MCF2: variants seen among roughly 807,000 people sequenced by gnomAD.
MCF2 encodes MCF.2 cell line derived transforming sequence.
In MCF2, 44 loss-of-function variants were observed where a neutral mutation model predicts 82.5. The observed-to-expected ratio is 0.53, with a 90% CI of 0.42 to 0.69. MCF2 has a LOEUF of 0.69. Among genes scored for constraint, MCF2 ranks in the 30% least tolerant of loss-of-function variants. MCF2 has a pLI of 0.00. For synonymous variants in MCF2, 217 were observed against 224.9 expected, an observed-to-expected ratio of 0.96 and a Z score of 0.32; for missense variants, 623 against 663.1, an observed-to-expected ratio of 0.94 and a Z score of 0.66.
chrX:139,645,002 C>T (rs1228908726), upstream of MCF2, among the ~76,000 whole-genome samples: 12 of 110,720 alleles, frequency 1.1e-4, no homozygotes, highest in East Asian at 3.4e-3. Context: ...TTGTACCTCT[C>T]GTTATTTTAA....
intron 1 of MCF2, among the ~76,000 whole-genome samples, chrX:139,640,101 G>A (rs933169539): frequency 9.0e-6 from 1 of 111,594 alleles, no homozygotes; most frequent in Admixed American, 9.5e-5. Flanking sequence ...ACACCTCATA[G>A]ACTGAATGCA....
intron 19 of MCF2, among the ~76,000 whole-genome samples, chrX:139,595,430 A>C (rs912229485): frequency 1.8e-5 from 2 of 108,788 alleles, no homozygotes; most frequent in Non-Finnish European, 3.8e-5. Context: ...CTTTGTAGGG[A>C]CATGGATGAA....
chrX:139,668,789 A>C (rs1020075664), intron 1 of MCF2, among the ~76,000 whole-genome samples: 4 of 111,634 alleles, frequency 3.6e-5, no homozygotes, highest in Non-Finnish European at 7.5e-5. Flanking sequence ...TTTTGACAAG[A>C]ACAAATAAAT....
intron 1 of MCF2, 61 bp from the exon 2 acceptor site, chrX:139,651,849 T>A (rs1934030872): frequency 7.3e-6 from 5 of 689,189 alleles, no homozygotes; most frequent in Non-Finnish European, 1.1e-5. Flanking sequence ...TACATGATTT[T>A]AGACACATGA....
rs201237791 is a variant in MCF2, at chrX:139,611,934, A to AGT, written c.1364-1598_1364-1597dup. ...GGAAATAGTGTTCCAGAGAGAGAAC[A>AGT]GTGTGTGTAATGTCCACAAAGTAAG... is the stretch of plus-strand genomic sequence containing the variant. On this transcript the variant is annotated intron_variant, in intron 10 of 24. Coordinates refer to ENST00000370576, the Ensembl canonical transcript of MCF2. Among the ~76,000 whole-genome samples, 708 of 110,803 alleles carry AGT rather than the reference A, an allele frequency of 6.4e-3. 5 individuals are homozygous for AGT. The highest frequency in any genetic ancestry group is 0.022 in the African/African-American group (657 of 30,480).
intron 1 of MCF2, 91 bp from the exon 5 acceptor site, chrX:139,632,545 A>G: frequency 1.3e-6 from 1 of 747,623 alleles, no homozygotes; most frequent in Non-Finnish European, 1.9e-6. Context: ...ACTGAAGGAA[A>G]CAAATTTTAA....
chrX:139,603,351 C>T (rs1468738711), intron 15 of MCF2, among the ~76,000 whole-genome samples: 2 of 112,176 alleles, frequency 1.8e-5, no homozygotes, highest in African/African-American at 6.5e-5. Flanking sequence ...TATGGACTCT[C>T]GTTCTAAGGG....
chrX:139,666,209 C>CTT (rs1338352173), intron 1 of MCF2, among the ~76,000 whole-genome samples: 30 of 100,692 alleles, frequency 3.0e-4, no homozygotes, highest in African/African-American at 1.1e-3. Flanking sequence ...TTCATTCATT[C>CTT]TTTTTTTTTT....
Position 139,672,962 on chromosome X carries a change from G to A in MCF2, c.-44-21174C>T, listed in dbSNP as rs139552409. ...TCTGGTCCTGGACTCTTTTTTGTTC[G>A]TAGGCTACTAATTATTGCCTCAATT... On this transcript the variant is annotated intron_variant, in intron 1 of 27. Coordinates refer to the MCF2 transcript ENST00000414978. 8.5e-3 allele frequency among the ~76,000 whole-genome samples: 950 copies of A among 111,465 alleles called. 13 individuals carry two copies. Among genetic ancestry groups the A allele is most frequent in the African/African-American group, 0.029 (896 of 30,685 alleles).
chrX:139,599,199 T>C (rs1174557596), intron 16 of MCF2, among the ~76,000 whole-genome samples: 1 of 107,295 alleles, frequency 9.3e-6, no homozygotes, highest in Non-Finnish European at 1.9e-5. Context: ...CAAATGAGAC[T>C]TAAAGATGGG....
intron 1 of MCF2, among the ~76,000 whole-genome samples, chrX:139,675,104 T>A (rs1447327265): frequency 8.9e-6 from 1 of 112,513 alleles, no homozygotes; most frequent in Non-Finnish European, 1.9e-5. Context: ...TTCCACATGA[T>A]CGAATCAGCT....
exon 1 of MCF2, chrX:139,642,851 AGGAGG>A: frequency 1.1e-6 from 1 of 906,115 alleles, no homozygotes; most frequent in African/African-American, 2.1e-5. Context: ...TAAGAGTGGA[AGGAGG>A]AGGAAAAAAA....
intron 6 of MCF2, among the ~76,000 whole-genome samples, chrX:139,621,971 A>G (rs1331749611): frequency 9.0e-6 from 1 of 111,583 alleles, no homozygotes; most frequent in African/African-American, 3.3e-5. Flanking sequence ...AATTTTCGCA[A>G]CCTACTCATC....
At chrX:139,590,494 G>T (rs1426067251) in intron 19 of MCF2, among the ~76,000 whole-genome samples, 1 of 109,621 alleles carries the variant, frequency 9.1e-6, no homozygotes, top group Non-Finnish European at 1.9e-5. Context: ...ATAATAATAT[G>T]TAATGGGACA....
chrX:139,604,186 C>G (rs1444402265), intron 15 of MCF2, among the ~76,000 whole-genome samples: 6 of 111,540 alleles, frequency 5.4e-5, no homozygotes, highest in Admixed American at 9.5e-5. Context: ...ATGAAAAGAA[C>G]TGACAGCTCT....
At chrX:139,582,552 G>C in intron 24 of MCF2, 49 bp from the exon 29 acceptor site, 2 of 1,010,338 alleles carry the variant, frequency 2.0e-6, no homozygotes, top group Non-Finnish European at 1.4e-6. Flanking sequence ...ACTTGACCAA[G>C]TGAAGCCAAA....
chrX:139,625,292 A>T (rs1485065511), intron 6 of MCF2, among the ~76,000 whole-genome samples: 1 of 111,694 alleles, frequency 9.0e-6, no homozygotes, highest in Non-Finnish European at 1.9e-5. Flanking sequence ...GAAAAGTGCT[A>T]TTTTCTGTGT....
chrX:139,695,005 G>T (rs1935352638), intron 1 of MCF2, among the ~76,000 whole-genome samples: 2 of 106,477 alleles, frequency 1.9e-5, no homozygotes, highest in Non-Finnish European at 3.8e-5. Flanking sequence ...CTTGGTAAAG[G>T]GTATACAGGA....
At chrX:139,593,019 T>C (rs909791373) in intron 19 of MCF2, among the ~76,000 whole-genome samples, 1 of 112,163 alleles carries the variant, frequency 8.9e-6, no homozygotes, top group Non-Finnish European at 1.9e-5. Context: ...TGAAAGAACA[T>C]GCTCATGAAA....
Sources: allele counts gnomAD v4.1 joint callset (sites outside exome capture counted in the v4.1 genomes callset), GRCh38; gene constraint gnomAD v4.1.1; transcripts MANE v1.5; gene names NCBI Gene and HGNC (gene_info 2026-07-23, HGNC 2026-07-21).